SACS: variants seen among roughly 807,000 people sequenced by gnomAD.
SACS encodes sacsin.
Under a neutral mutation model 348.0 loss-of-function variants are expected in SACS, and 197 were observed. That is an observed-to-expected ratio of 0.57 (90% confidence interval 0.50 to 0.64). The LOEUF is 0.64. Among genes scored for constraint, SACS ranks in the 30% least tolerant of loss-of-function variants. The pLI, the probability that SACS is intolerant of heterozygous loss-of-function variation, is 0.00. For missense variants in SACS, 4,999 were observed against 5,360.8 expected (o/e 0.93, Z 2.11); for synonymous variants, 1,985 against 1,910.6 (o/e 1.04, Z -1.02).
chr13:23,426,470 G>A (rs1054040642), intron 1 of SACS, among the ~76,000 whole-genome samples: 12 of 152,022 alleles, frequency 7.9e-5, no homozygotes, highest in African/African-American at 1.4e-4. Flanking sequence ...GTGAAACCCC[G>A]TCTCTACGAA....
chr13:23,433,421 C>G (rs1404995588), intron 1 of SACS, among the ~76,000 whole-genome samples, 194 bp downstream of exon 1: 1 of 152,212 alleles, frequency 6.6e-6, no homozygotes, highest in Non-Finnish European at 1.5e-5. Context: ...AAGGCCCTCT[C>G]GTCTCTGTCC....
rs773543202 is a variant in SACS, at chr13:23,371,161, G to A, written c.176C>T (p.Ser59Phe). The A allele has an allele frequency of 1.2e-6, 2 of 1,603,094 alleles. No individual in the cohort carries two copies. The highest frequency in any genetic ancestry group is 1.7e-6 in the Non-Finnish European group (2 of 1,172,244). ...CAGATCTCCAATCTTGATCCAGTCA[G>A]ATAACTGAAAAAAAGCAAAAGAAAA... is the stretch of plus-strand genomic sequence containing the variant. ...QRLWRGGREL[S>F]DWIKIGDLTS... Residue 59 changes from serine (S) to phenylalanine (F), a missense_variant, in exon 4 of 10, where the codon TCT becomes TTT. Ser to Phe is a radical substitution (Grantham distance 155). Coordinates refer to ENST00000382292, the MANE Select transcript of SACS (RefSeq NM_014363.6).
Position 23,371,113 on chromosome 13 carries a change from A to G in SACS, c.224T>C (p.Phe75Ser). ...GDLTSKNCHL[F>S]VNLQSKGLKG... The stretch of plus-strand genomic sequence containing the variant: ...TAAGCCTTTTGATTGAAGGTTTACA[A>G]AAAGATGACAATTTTTGGAAGTCAG... Residue 75 changes from phenylalanine (F) to serine (S), a missense_variant, in exon 4 of 10, where the codon TTT (phenylalanine) becomes TCT (serine). Physicochemically the swap from Phe to Ser is radical, Grantham distance 155. This residue lies in a region of SACS where 3,156 missense variants were observed against 3,380.1 expected (regional missense o/e 0.93). Transcript: ENST00000382292. The G allele has an allele frequency of 6.2e-7, 1 of 1,612,074 alleles. No individual in the cohort carries two copies. Among genetic ancestry groups the G allele is most frequent in the Non-Finnish European group, 8.5e-7 (1 of 1,178,366 alleles).
chr13:23,432,708 A>G (rs909657855), intron 1 of SACS, among the ~76,000 whole-genome samples: 1 of 152,174 alleles, frequency 6.6e-6, no homozygotes, highest in Non-Finnish European at 1.5e-5. Flanking sequence ...CTGTGAATCA[A>G]TTACTTTTAT....
chr13:23,365,292 T>C lies in SACS; in HGVS notation c.346-15A>G, dbSNP rs772707597. 3.5e-5 allele frequency: 49 copies of C among 1,403,550 alleles called. No homozygotes were observed. Among genetic ancestry groups the C allele is most frequent in the Non-Finnish European group, 4.6e-5 (46 of 1,004,854 alleles). The allele number at this position is 1,403,550 out of a possible 1,614,324, so 86.9% of individuals were successfully genotyped here. A position where few individuals can be genotyped will look rare whatever the true frequency, so the allele number is the denominator to read the frequency against. ...TGAATTAATTCCTAACCAAAAAATA[T>C]ACCAAAAAATAGTAATTAATAACAC... On this transcript the variant is annotated splice_polypyrimidine_tract_variant and intron_variant, in intron 5 of 9. Coordinates refer to ENST00000382292, the MANE Select transcript of SACS (RefSeq NM_014363.6).
Position 23,335,921 on chromosome 13 carries a change from G to C in SACS, c.7955C>G (p.Ala2652Gly), listed in dbSNP as rs776928430. The change falls in exon 10 of 10, where the codon GCC becomes GGC. Residue 2652 changes from alanine (A) to glycine (G), a missense_variant. Physicochemically the swap from Ala to Gly is moderately conservative, Grantham distance 60 (BLOSUM62 0). Around this residue, in one of 6 missense-constraint regions of SACS, gnomAD observed 3,156 missense variants for 3,380.1 expected, o/e 0.93. Coordinates refer to ENST00000382292, the MANE Select transcript of SACS (RefSeq NM_014363.6). This position sits in a 1 kb window ranked among gnomAD's most constrained non-coding sequence, Gnocchi z 4.7. The stretch of plus-strand genomic sequence containing the variant: ...GGATGTGGCCCCTGGTGCATATCTG[G>C]CATGAGGATCAAAAATACACAGGAT... ...NDILCIFDPH[A>G]RYAPGATSIS... is the part of the protein sequence containing the mutation. The C allele has an allele frequency of 1.9e-6, 3 of 1,612,854 alleles. No individual in the cohort carries two copies. Among genetic ancestry groups the C allele is most frequent in the South Asian group, 2.2e-5 (2 of 91,056 alleles).
intron 2 of SACS, among the ~76,000 whole-genome samples, chr13:23,384,134 T>C (rs975551296): frequency 6.6e-6 from 1 of 152,206 alleles, no homozygotes; most frequent in East Asian, 1.9e-4. Flanking sequence ...ACATCAGAGA[T>C]GGGAAGACTC....
chr13:23,330,502 G>A lies in SACS; in HGVS notation c.13374C>T (p.Phe4458=), dbSNP rs148914536. The A allele has an allele frequency of 2.0e-4, 323 of 1,614,180 alleles. No individual in the cohort carries two copies. In the African/African-American group the frequency reaches 3.7e-3, roughly 19 times the overall value. ...TATGAAGGTCATTCCTGGCAGCTGA[G>A]AAGTTTGCTCTGGCTTGTCTTAGCC... is the stretch of plus-strand genomic sequence containing the variant. The part of the protein sequence containing the change: ...RRWLRQARAN[F]SAARNDLHKN... The change falls in exon 10 of 10, where the codon TTC becomes TTT. Residue 4458 remains phenylalanine, a synonymous_variant. Coordinates refer to ENST00000382292, the MANE Select transcript of SACS (RefSeq NM_014363.6).
intron 9 of SACS, among the ~76,000 whole-genome samples, chr13:23,342,416 T>C (rs888657234): frequency 2.6e-5 from 4 of 152,164 alleles, no homozygotes; most frequent in African/African-American, 7.2e-5. Flanking sequence ...AAGGTAAAAA[T>C]TGATACACAA....
chr13:23,395,704 G>A (rs937473600), intron 2 of SACS, among the ~76,000 whole-genome samples: 4 of 152,136 alleles, frequency 2.6e-5, no homozygotes, highest in African/African-American at 9.7e-5. Flanking sequence ...CATAAATATT[G>A]GTGGAAAGCA....
chr13:23,341,288 A>G lies in SACS; in HGVS notation c.2588T>C (p.Leu863Pro). The G allele has an allele frequency of 2.5e-6, 4 of 1,613,666 alleles. No homozygotes were observed. The highest frequency in any genetic ancestry group is 3.4e-6 in the Non-Finnish European group (4 of 1,179,732). ...KKLDASIQHP[L>P]IKKYIHSPLP... Reference sequence around the variant, plus strand: ...TGGTGAATGAATATATTTTTTAATAAGCGGATGTTGTATAGATGCATCTAA... The same window carrying G: ...TGGTGAATGAATATATTTTTTAATAGGCGGATGTTGTATAGATGCATCTAA... Residue 863 changes from leucine to proline, a missense_variant, in exon 10 of 10, where the codon CTT (leucine) becomes CCT (proline). Leu to Pro is a moderately conservative substitution (Grantham distance 98). This residue lies in a region of SACS where 3,156 missense variants were observed against 3,380.1 expected (regional missense o/e 0.93). Transcript: ENST00000382292.
intron 2 of SACS, among the ~76,000 whole-genome samples, chr13:23,410,916 G>T (rs866413596): frequency 1.4e-4 from 21 of 152,114 alleles, no homozygotes; most frequent in African/African-American, 4.8e-4. Context: ...GGCAGTGAGA[G>T]GCACTCATAG....
chr13:23,426,737 T>C lies in SACS; in HGVS notation c.-502+6878A>G, dbSNP rs561176330. Among the ~76,000 whole-genome samples, 162 of 152,168 alleles carry C rather than the reference T, an allele frequency of 1.1e-3. No homozygotes were observed. In the South Asian group the frequency reaches 0.014, roughly 13 times the overall value. On this transcript the variant is annotated intron_variant, in intron 1 of 9. Coordinates refer to ENST00000382292, the MANE Select transcript of SACS (RefSeq NM_014363.6). ...GACTGGAAGTGAGTCAGACAGGTGA[T>C]ACACAAGTGGTTGCATTCTTCTGAG... is the stretch of plus-strand genomic sequence containing the variant.
intron 1 of SACS, among the ~76,000 whole-genome samples, chr13:23,420,271 C>A (rs1010825602): frequency 6.6e-6 from 1 of 152,152 alleles, no homozygotes; most frequent in African/African-American, 2.4e-5. Context: ...TATGTGGGGA[C>A]TGGTGTCTAG....
chr13:23,368,514 A>G (rs775947900), intron 4 of SACS, 27 bp from the exon 5 acceptor site: 2 of 1,545,644 alleles, frequency 1.3e-6, no homozygotes, highest in South Asian at 2.3e-5. Flanking sequence ...ATTTTAAGTG[A>G]GTTAGAAAAA....
intron 3 of SACS, among the ~76,000 whole-genome samples, chr13:23,372,884 T>C (rs1219860074): frequency 6.6e-6 from 1 of 152,208 alleles, no homozygotes; most frequent in Non-Finnish European, 1.5e-5. Context: ...AAGTCTCTTG[T>C]ATATCCTTTC....
rs763144733 is a variant in SACS at position 23,333,719 on chromosome 13, G to A, written c.10157C>T (p.Ala3386Val). 3.7e-6 allele frequency: 6 copies of A among 1,613,722 alleles called. No individual in the cohort carries two copies. The African/African-American group carries it at 4.0e-5, about 11-fold the overall frequency. ...AEKLVENDFE[A>V]LLMYFNCNLN... ...ATTGCAGTTGAAATACATCAAAAGT[G>A]CCTCAAAATCATTTTCTACTAATTT... The change falls in exon 10 of 10, where the codon GCA (alanine) becomes GTA (valine). Residue 3386 changes from alanine (A) to valine (V), a missense_variant. Coordinates refer to ENST00000382292, the MANE Select transcript of SACS (RefSeq NM_014363.6).
intron 6 of SACS, among the ~76,000 whole-genome samples, chr13:23,359,115 G>A (rs947007077): frequency 6.6e-6 from 1 of 152,098 alleles, no homozygotes; most frequent in African/African-American, 2.4e-5. Flanking sequence ...CCGAGAGGCA[G>A]AGGCTTCAGT....
In SACS at chr13:23,331,858, C is replaced by T. The variant is rs774074913; in HGVS notation, c.12018G>A (p.Leu4006=). 1.9e-5 allele frequency: 31 copies of T among 1,614,004 alleles called. No individual in the cohort carries two copies. The African/African-American group carries it at 3.5e-4, about 18-fold the overall frequency. ...CSLQGRLQLL[L]SSEQFITGLI... The stretch of plus-strand genomic sequence containing the variant: ...GTCCTGTAATGAACTGTTCAGAAGA[C>T]AAGAGTAACTGCAATCTTCCTTGAA... Residue 4006 remains leucine, a synonymous_variant, in exon 10 of 10, where the codon TTG becomes TTA. Transcript: ENST00000382292.
Sources: allele counts gnomAD v4.1 joint callset (sites outside exome capture counted in the v4.1 genomes callset), GRCh38; gene constraint gnomAD v4.1.1; regional missense constraint gnomAD v4.1.1; non-coding constraint Gnocchi (gnomAD v3.1); transcripts MANE v1.5; gene names NCBI Gene and HGNC (gene_info 2026-07-23, HGNC 2026-07-21).